SNX14: variants seen among roughly 807,000 people sequenced by gnomAD.
SNX14 encodes sorting nexin-14.
Under a neutral mutation model 133.8 loss-of-function variants are expected in SNX14, and 93 were observed. That is an observed-to-expected ratio of 0.70 (90% CI 0.59 to 0.83). SNX14 has a LOEUF of 0.83. SNX14 is among the 40% of genes least tolerant of loss of function. The pLI is 0.00. For missense variants in SNX14, 945 were observed against 1,094.9 expected (o/e 0.86, Z 1.93); for synonymous variants, 368 against 365.6 (o/e 1.01, Z -0.07).
chr6:85,586,008 AC>A (rs1243838433), intron 1 of SNX14, among the ~76,000 whole-genome samples: 8 of 151,462 alleles, frequency 5.3e-5, no homozygotes, highest in African/African-American at 1.9e-4. Flanking sequence ...AAAAAAAAAA[AC>A]TAAATCTAAT....
Position 85,574,452 on chromosome 6 carries a change from A to G in SNX14, c.141-74T>C, listed in dbSNP as rs1258579666. On this transcript the variant is annotated intron_variant, in intron 1 of 28. Transcript: ENST00000314673. ...TCTAAGTTACCGCTTCACTGACTTAACAAGCATTCATTAAGCACCTACAAT... is the reference window on the plus strand; with the variant it reads ...TCTAAGTTACCGCTTCACTGACTTAGCAAGCATTCATTAAGCACCTACAAT... 20 of 1,106,632 alleles carry G rather than the reference A, an allele frequency of 1.8e-5. No individual in the cohort carries two copies. The South Asian group carries it at 2.0e-4, about 11-fold the overall frequency. The allele number at this position is 1,106,632 out of a possible 1,614,324, so 68.6% of individuals were successfully genotyped here. A position where few individuals can be genotyped will look rare whatever the true frequency, so the allele number is the denominator to read the frequency against.
At chr6:85,517,714 G>A (rs766450411) in intron 23 of SNX14, 42 bp downstream of exon 23, 1 of 1,537,846 alleles carries the variant, frequency 6.5e-7, no homozygotes, top group South Asian at 1.3e-5. Flanking sequence ...CTCAAGTAGG[G>A]CAACTTAAAA....
intron 8 of SNX14, among the ~76,000 whole-genome samples, chr6:85,549,004 C>T (rs1035726064): frequency 6.7e-5 from 10 of 149,492 alleles, no homozygotes; most frequent in African/African-American, 2.5e-4. Context: ...AAAGAAAATA[C>T]TTTCTATCTA....
chr6:85,546,557 C>T (rs1348255556), intron 12 of SNX14, among the ~76,000 whole-genome samples: 2 of 151,862 alleles, frequency 1.3e-5, no homozygotes, highest in Admixed American at 6.6e-5. Context: ...TTATACTGTA[C>T]TTTTAGTATT....
intron 26 of SNX14, among the ~76,000 whole-genome samples, chr6:85,510,416 T>A (rs2127768661): frequency 6.6e-6 from 1 of 152,346 alleles, no homozygotes. Flanking sequence ...TTGTGTGTAA[T>A]CTTCTTTGGT....
At chr6:85,518,181 T>C in intron 21 of SNX14, 133 bp from the exon 22 acceptor site, 1 of 664,868 alleles carries the variant, frequency 1.5e-6, no homozygotes, top group Non-Finnish European at 2.6e-6. Context: ...TGATTGACCA[T>C]TTCACACTCC....
rs775291872 is a variant in SNX14 at position 85,547,408 on chromosome 6, AAG to A, written c.913-13_913-12del. The A allele has an allele frequency of 6.2e-7, 1 of 1,612,284 alleles. No homozygotes were observed. Among genetic ancestry groups the A allele is most frequent in the Non-Finnish European group, 8.5e-7 (1 of 1,179,600 alleles). On this transcript the variant is annotated splice_polypyrimidine_tract_variant and intron_variant, in intron 10 of 28. Transcript: ENST00000314673. ...AGTTGCTTTTTCAGGCTTTGAAAGA[AAG>A]AGAATTATTAACTCAGTAAAATTCC...
At chr6:85,575,964 A>G (rs1178999140) in intron 1 of SNX14, among the ~76,000 whole-genome samples, 1 of 152,254 alleles carries the variant, frequency 6.6e-6, no homozygotes, top group Non-Finnish European at 1.5e-5. Flanking sequence ...ACAAAGAAAT[A>G]TAACACTTTA....
chr6:85,576,367 T>A (rs930028407), intron 1 of SNX14, among the ~76,000 whole-genome samples: 2 of 152,094 alleles, frequency 1.3e-5, no homozygotes, highest in Non-Finnish European at 2.9e-5. Context: ...CAAGACTGGA[T>A]TAAGAATAGA....
chr6:85,541,861 A>G, intron 15 of SNX14, 124 bp downstream of exon 15: 1 of 586,370 alleles, frequency 1.7e-6, no homozygotes, highest in South Asian at 3.3e-5. Context: ...CACTAGTAAA[A>G]TGCCTTGTGA....
At position 85,519,450 on chromosome 6, in the gene SNX14, G is replaced by A. The variant is rs1012248092; in HGVS notation, c.2108-1402C>T. Among the ~76,000 whole-genome samples, 10 of 152,312 alleles carry A rather than the reference G, an allele frequency of 6.6e-5. No homozygotes were observed. In the East Asian group the frequency reaches 9.6e-4, roughly 15 times the overall value. ...TCAAGACCAGCTTGGGCAACAAAGC[G>A]AGATCCCATCTCTACAGATATTTAA... On this transcript the variant is annotated intron_variant, in intron 21 of 28. Coordinates refer to ENST00000314673, the MANE Select transcript of SNX14 (RefSeq NM_153816.6).
At chr6:85,577,651 A>G (rs1199258517) in intron 1 of SNX14, among the ~76,000 whole-genome samples, 1 of 152,218 alleles carries the variant, frequency 6.6e-6, no homozygotes, top group Non-Finnish European at 1.5e-5. Context: ...GGGAGAATCT[A>G]CAGAGTTAAA....
chr6:85,570,212 C>T (rs1311626307), intron 4 of SNX14, among the ~76,000 whole-genome samples: 1 of 152,178 alleles, frequency 6.6e-6, no homozygotes, highest in Non-Finnish European at 1.5e-5. Context: ...GGGCCTAGCC[C>T]AGTTCCTACC....
In SNX14 at chr6:85,549,820, C is replaced by T. The variant is rs553047040; in HGVS notation, c.694G>A (p.Val232Ile). 3.4e-5 allele frequency: 55 copies of T among 1,613,962 alleles called. 2 individuals carry two copies. Among genetic ancestry groups the T allele is most frequent in the Admixed American group, 3.3e-4 (20 of 60,010 alleles). The change falls in exon 8 of 29, where the codon GTT (valine) becomes ATT (isoleucine). Residue 232 changes from valine to isoleucine, a missense_variant. Physicochemically the swap from Val to Ile is conservative, Grantham distance 29. Around this residue, in one of 3 missense-constraint regions of SNX14, gnomAD observed 514 missense variants for 538.8 expected, o/e 0.95. Coordinates refer to ENST00000314673, the MANE Select transcript of SNX14 (RefSeq NM_153816.6). ...TCATCTCTTCGACTTCTCAAAGCAA[C>T]ATGAAGCTCTGGACCATATTCTTCT... ...ALEEYGPELH[V>I]ALRSRRDELH... is the part of the protein sequence containing the mutation.
At chr6:85,516,102 T>G (rs1451066932) in intron 23 of SNX14, among the ~76,000 whole-genome samples, 1 of 152,170 alleles carries the variant, frequency 6.6e-6, no homozygotes, top group Non-Finnish European at 1.5e-5. Context: ...AAATATCACA[T>G]CCTACTTTTT....
intron 27 of SNX14, 82 bp downstream of exon 27, chr6:85,507,886 C>T (rs1771296279): frequency 9.8e-7 from 1 of 1,017,968 alleles, no homozygotes; most frequent in Non-Finnish European, 1.5e-6. Flanking sequence ...GTCATTTATA[C>T]AACTAATGAG....
intron 17 of SNX14, among the ~76,000 whole-genome samples, chr6:85,535,334 G>T (rs1387334604): frequency 6.6e-6 from 1 of 151,392 alleles, no homozygotes; most frequent in African/African-American, 2.4e-5. Context: ...CCACACCAAG[G>T]CTGGGTGCAG....
intron 1 of SNX14, among the ~76,000 whole-genome samples, chr6:85,576,343 C>G (rs1260732691): frequency 6.6e-6 from 1 of 152,142 alleles, no homozygotes; most frequent in Non-Finnish European, 1.5e-5. Context: ...CCCTAAGATT[C>G]TATCTCCCTC....
rs778761394 is a variant in SNX14 at position 85,542,019 on chromosome 6, C to T, written c.1414G>A (p.Ala472Thr). 1 of 1,590,396 alleles carries T rather than the reference C, an allele frequency of 6.3e-7. No homozygotes were observed. The highest frequency in any genetic ancestry group is 8.6e-7 in the Non-Finnish European group (1 of 1,169,580). ...DEYFRQLLRG[A>T]ESPTRNSKLN... ...TTTGAATTGCGTGTTGGTGATTCTG[C>T]ACCTCTTAAAAGTTGTCTGAAATAC... is the stretch of plus-strand genomic sequence containing the variant. The change falls in exon 15 of 29, where the codon GCA (alanine) becomes ACA (threonine). Residue 472 changes from alanine to threonine, a missense_variant. Ala to Thr is a moderately conservative substitution (Grantham distance 58, BLOSUM62 0). Transcript: ENST00000314673.
Sources: allele counts gnomAD v4.1 joint callset (sites outside exome capture counted in the v4.1 genomes callset), GRCh38; gene constraint gnomAD v4.1.1; regional missense constraint gnomAD v4.1.1; transcripts MANE v1.5; gene names NCBI Gene and HGNC (gene_info 2026-07-23, HGNC 2026-07-21).